PRELID2: variants seen among roughly 807,000 people sequenced by gnomAD.
PRELID2 encodes the protein PRELI domain containing 2, also known as PRELI domain-containing protein 2.
Under a neutral mutation model 28.4 loss-of-function variants are expected in PRELID2, and 25 were observed. The observed-to-expected ratio is 0.88, with a 90% CI of 0.64 to 1.23. The LOEUF is 1.23. PRELID2 is among the 50% of genes most tolerant of loss of function. The probability of loss-of-function intolerance (pLI) is 0.00; values close to 1 mark genes in which losing one functional copy is unlikely to be tolerated. For synonymous variants in PRELID2, 76 were observed against 71.6 expected (o/e 1.06, Z -0.31); for missense variants, 201 against 214.4 (o/e 0.94, Z 0.39).
At chr5:145,585,335 C>G (rs1753143626) in intron 1 of PRELID2, among the ~76,000 whole-genome samples, 1 of 152,062 alleles carries the variant, frequency 6.6e-6, no homozygotes, top group South Asian at 2.1e-4. Flanking sequence ...CTAATGGATG[C>G]TGGGCTTAAT....
In PRELID2 at chr5:145,816,080, T is replaced by C. The variant is rs1238260666; in HGVS notation, c.368+1814A>G. Among the ~76,000 whole-genome samples the C allele has an allele frequency of 2.1e-5, 3 of 141,470 alleles. No individual in the cohort carries two copies. In the East Asian group the frequency reaches 6.0e-4, roughly 28 times the overall value. 92.8% of individuals were successfully genotyped at this position (141,470 alleles called of 152,430 possible). A position where few individuals can be genotyped will look rare whatever the true frequency, so the allele number is the denominator to read the frequency against. ...CCAATCCTTGTTATTGTGTGTCTTT[T>C]TTTTTTTTTTTTTTTTTTTTTTGAG... On this transcript the variant is annotated intron_variant, in intron 4 of 6. Coordinates refer to ENST00000683046, the MANE Select transcript of PRELID2 (RefSeq NM_205846.3).
chr5:145,796,275 G>T, intron 5 of PRELID2, 167 bp downstream of exon 5: 6 of 430,030 alleles, frequency 1.4e-5, no homozygotes, highest in South Asian at 5.0e-5. Flanking sequence ...GTTTTACTTT[G>T]ATTTGAATTT....
chr5:145,727,997 T>A (rs1756223256), intron 1 of PRELID2, among the ~76,000 whole-genome samples: 1 of 152,156 alleles, frequency 6.6e-6, no homozygotes, highest in Non-Finnish European at 1.5e-5. Context: ...CCTCTGTTCA[T>A]TTTATACTTT....
chr5:145,498,375 C>A (rs537221903), intron 1 of PRELID2, among the ~76,000 whole-genome samples: 1 of 152,252 alleles, frequency 6.6e-6, no homozygotes, highest in African/African-American at 2.4e-5. Flanking sequence ...TAAAATTCTA[C>A]ACAGTCAAGC....
At chr5:145,614,247 T>C (rs190626691) in intron 1 of PRELID2, among the ~76,000 whole-genome samples, 99 of 152,308 alleles carry the variant, frequency 6.5e-4, no homozygotes, top group African/African-American at 2.2e-3. Flanking sequence ...TGAAATCAGG[T>C]AGTGTGATGC....
the PRELID2 span, among the ~76,000 whole-genome samples, chr5:145,240,843 G>A: frequency 6.6e-6 from 1 of 151,928 alleles, no homozygotes; most frequent in Non-Finnish European, 1.5e-5. Flanking sequence ...CCTACATTTA[G>A]TGAATATTAT....
intron 1 of PRELID2, among the ~76,000 whole-genome samples, chr5:145,486,294 A>AT: frequency 6.6e-6 from 1 of 152,158 alleles, no homozygotes; most frequent in Non-Finnish European, 1.5e-5. Context: ...GGGGTCTATA[A>AT]TTTTCTCATT....
intron 1 of PRELID2, among the ~76,000 whole-genome samples, chr5:145,560,651 T>A (rs577422818): frequency 6.6e-6 from 1 of 152,338 alleles, no homozygotes; most frequent in South Asian, 2.1e-4. Context: ...AACCAGTCCC[T>A]TTGCTATCTA....
At chr5:145,456,509 T>C in the PRELID2 span, among the ~76,000 whole-genome samples, 1 of 152,278 alleles carries the variant, frequency 6.6e-6, no homozygotes, top group East Asian at 1.9e-4. Flanking sequence ...TGACTGCCCT[T>C]GCACCCTTAA....
intron 1 of PRELID2, among the ~76,000 whole-genome samples, chr5:145,554,268 C>T (rs1332266741): frequency 6.6e-6 from 1 of 152,162 alleles, no homozygotes; most frequent in Non-Finnish European, 1.5e-5. Flanking sequence ...TCAGCAAAGA[C>T]TTAAAAGTAA....
chr5:145,493,610 G>T (rs1188156428), intron 1 of PRELID2, among the ~76,000 whole-genome samples: 1 of 152,032 alleles, frequency 6.6e-6, no homozygotes, highest in Non-Finnish European at 1.5e-5. Flanking sequence ...CCATCACTCT[G>T]CTCCAGCTGT....
rs138153934 is a variant in PRELID2, at chr5:145,774,404, A to G, written c.475-9404T>C. On this transcript the variant is annotated intron_variant, in intron 5 of 6. Transcript: ENST00000683046. Reference sequence around the variant, plus strand: ...AGAGGGAAGAGAATAAGTACACTTCACTGCAGGATCACTCCTGAAGATTAA... The same window carrying G: ...AGAGGGAAGAGAATAAGTACACTTCGCTGCAGGATCACTCCTGAAGATTAA... Among the ~76,000 whole-genome samples the G allele has an allele frequency of 5.3e-5, 8 of 152,346 alleles. No individual in the cohort carries two copies. In the South Asian group the frequency reaches 1.7e-3, roughly 32 times the overall value.
At chr5:145,316,890 C>T in the PRELID2 span, among the ~76,000 whole-genome samples, 42 of 152,296 alleles carry the variant, frequency 2.8e-4, no homozygotes, top group South Asian at 4.1e-4. Flanking sequence ...CTTTCTCCCT[C>T]GTTTACCTCA....
rs190239559 is a variant in PRELID2, at chr5:145,551,365, C to T, written n.71-78050G>A. On this transcript the variant is annotated intron_variant and non_coding_transcript_variant, in intron 1 of 2. Coordinates refer to the PRELID2 transcript ENST00000510259. ...GCAGTGAGCCGAGATTGTGCCACTG[C>T]ACTCCAGCCTGGGTGACAAAGCAAG... 6.5e-3 allele frequency among the ~76,000 whole-genome samples: 991 copies of T among 151,964 alleles called. 18 individuals are homozygous for T. Among genetic ancestry groups the T allele is most frequent in the African/African-American group, 0.022 (927 of 41,416 alleles).
At chr5:145,688,597 T>A (rs1027131369) in intron 1 of PRELID2, among the ~76,000 whole-genome samples, 8 of 152,176 alleles carry the variant, frequency 5.3e-5, no homozygotes, top group African/African-American at 1.7e-4. Flanking sequence ...TCTCTGCTGA[T>A]GCATAAATAA....
chr5:145,450,729 C>T, the PRELID2 span: 1 of 152,100 alleles, frequency 6.6e-6, no homozygotes, highest in Non-Finnish European at 1.5e-5. Flanking sequence ...CCAAAGGACA[C>T]AATTGAATAA....
chr5:145,805,361 T>C (rs1418619046), intron 4 of PRELID2, among the ~76,000 whole-genome samples: 1 of 152,162 alleles, frequency 6.6e-6, no homozygotes, highest in East Asian at 1.9e-4. Context: ...ACAAGAATTT[T>C]GCAAAAAATG....
At chr5:145,673,132 A>C (rs972120240) in intron 1 of PRELID2, among the ~76,000 whole-genome samples, 1 of 152,180 alleles carries the variant, frequency 6.6e-6, no homozygotes, top group African/African-American at 2.4e-5. Flanking sequence ...CACCAGGCCT[A>C]CTTAGAAAAG....
chr5:145,772,535 A>G (rs928672413), intron 5 of PRELID2, among the ~76,000 whole-genome samples: 3 of 152,220 alleles, frequency 2.0e-5, no homozygotes, highest in African/African-American at 2.4e-5. Context: ...GTGTTATAAC[A>G]TGGCAGAAGG....
Sources: gnomAD v4.1 joint callset for allele counts (sites outside exome capture counted in the v4.1 genomes callset) on GRCh38, gnomAD v4.1.1 for gene constraint, MANE v1.5 for transcripts, NCBI Gene and HGNC (gene_info 2026-07-23, HGNC 2026-07-21) for gene names.